Variants in SLC25A26 observed in about 807,000 individuals in gnomAD.
SLC25A26 encodes the protein mitochondrial S-adenosylmethionine carrier protein.
A neutral mutation model predicts 37.8 loss-of-function variants in SLC25A26; 36 were observed. The observed-to-expected ratio is 0.95, with a 90% CI of 0.73 to 1.26. The LOEUF (loss-of-function observed/expected upper bound fraction) is 1.26, where lower values mean the gene tolerates loss of function less well. Among genes scored for constraint, SLC25A26 ranks in the 50% most tolerant of loss-of-function variants. The pLI is 0.00. For missense variants in SLC25A26, 390 were observed against 331.1 expected (o/e 1.18, Z -1.38); for synonymous variants, 129 against 122.5 (o/e 1.05, Z -0.35).
intron 1 of SLC25A26, among the ~76,000 whole-genome samples, chr3:66,165,747 G>T (rs1368654158): frequency 1.3e-5 from 2 of 152,262 alleles, no homozygotes; most frequent in Non-Finnish European, 2.9e-5. Context: ...GTTCTCTGAA[G>T]TAGTATATAA....
At chr3:66,250,127 G>C (rs2073023697) in intron 3 of SLC25A26, among the ~76,000 whole-genome samples, 1 of 152,168 alleles carries the variant, frequency 6.6e-6, no homozygotes, top group Non-Finnish European at 1.5e-5. Context: ...AAAGCAGTTT[G>C]TTTTCCAGAC....
At chr3:66,321,084 A>G (rs1396181048) in intron 5 of SLC25A26, among the ~76,000 whole-genome samples, 4 of 152,068 alleles carry the variant, frequency 2.6e-5, no homozygotes, top group Non-Finnish European at 5.9e-5. Context: ...CTGAGAGAGA[A>G]AGAGAGCACA....
intron 1 of SLC25A26, among the ~76,000 whole-genome samples, chr3:66,179,140 C>T (rs145028513): frequency 4.2e-4 from 64 of 152,264 alleles, no homozygotes; most frequent in African/African-American, 1.3e-3. Context: ...TTCTCTCTTA[C>T]GCGTTTTAAA....
chr3:66,190,818 C>T (rs1445000416), intron 1 of SLC25A26, among the ~76,000 whole-genome samples: 3 of 152,182 alleles, frequency 2.0e-5, no homozygotes, highest in African/African-American at 7.2e-5. Context: ...TGCTTTAACT[C>T]GCAAGAAATT....
intron 6 of SLC25A26, among the ~76,000 whole-genome samples, chr3:66,348,517 C>T (rs560803502): frequency 6.6e-6 from 1 of 151,850 alleles, no homozygotes; most frequent in Non-Finnish European, 1.5e-5. Flanking sequence ...TTAGCTAATA[C>T]AAAAATAAAG....
At chr3:66,143,712 C>T (rs575841563) in intron 1 of SLC25A26, among the ~76,000 whole-genome samples, 8 of 152,212 alleles carry the variant, frequency 5.3e-5, no homozygotes, top group Admixed American at 2.0e-4. Flanking sequence ...AGCAAAACTT[C>T]ATGTCTACAA....
At position 66,247,055 on chromosome 3, in the gene SLC25A26, G is replaced by A. The variant is rs1406884404; in HGVS notation, c.300+3743G>A. On this transcript the variant is annotated intron_variant, in intron 3 of 9. Coordinates refer to ENST00000354883, the MANE Select transcript of SLC25A26 (RefSeq NM_001379210.1). Reference sequence around the variant, plus strand: ...TTTTTTTTGTATTTTTAGTAGAGACGGGGTTTCACCATGTTAGCCAGGATG... The same window carrying A: ...TTTTTTTTGTATTTTTAGTAGAGACAGGGTTTCACCATGTTAGCCAGGATG... Among the ~76,000 whole-genome samples the A allele has an allele frequency of 7.3e-5, 11 of 151,616 alleles. No individual in the cohort carries two copies. The East Asian group carries it at 9.7e-4, about 13-fold the overall frequency.
At chr3:66,274,094 C>T (rs1230105981) in intron 5 of SLC25A26, among the ~76,000 whole-genome samples, 12 of 151,824 alleles carry the variant, frequency 7.9e-5, no homozygotes, top group East Asian at 1.9e-4. Flanking sequence ...GAAATAAGGC[C>T]GCATATCTAC....
At chr3:66,254,561 C>T (rs933652852) in intron 3 of SLC25A26, among the ~76,000 whole-genome samples, 1 of 152,186 alleles carries the variant, frequency 6.6e-6, no homozygotes, top group African/African-American at 2.4e-5. Flanking sequence ...ATAGAGTTGC[C>T]TGTTGAAACA....
At chr3:66,223,423 G>A (rs1553659401) in intron 1 of SLC25A26, among the ~76,000 whole-genome samples, 2 of 152,170 alleles carry the variant, frequency 1.3e-5, no homozygotes, top group African/African-American at 4.8e-5. Flanking sequence ...GGCTTTATGG[G>A]CTAGGGAAAA....
chr3:66,256,688 G>C (rs2073316084), intron 3 of SLC25A26, among the ~76,000 whole-genome samples: 1 of 152,140 alleles, frequency 6.6e-6, no homozygotes, highest in Admixed American at 6.5e-5. Context: ...TTGAGGCCAG[G>C]AGTTTGGGAC....
chr3:66,250,181 C>G (rs938882650), intron 3 of SLC25A26, among the ~76,000 whole-genome samples: 1 of 152,148 alleles, frequency 6.6e-6, no homozygotes, highest in African/African-American at 2.4e-5. Flanking sequence ...ATCTTTGATT[C>G]TTTTTTGTAA....
At chr3:66,270,679 A>G (rs1015685068) in intron 5 of SLC25A26, among the ~76,000 whole-genome samples, 1 of 152,232 alleles carries the variant, frequency 6.6e-6, no homozygotes, top group Non-Finnish European at 1.5e-5. Flanking sequence ...TGAAGAATGA[A>G]TGCTGGTTCA....
chr3:66,188,269 C>G (rs1576625729), intron 1 of SLC25A26, among the ~76,000 whole-genome samples: 1 of 152,154 alleles, frequency 6.6e-6, no homozygotes, highest in African/African-American at 2.4e-5. Flanking sequence ...GACCCAGACC[C>G]TTATATTTAT....
intron 1 of SLC25A26, among the ~76,000 whole-genome samples, chr3:66,154,527 GTTTTCTTT>G (rs1434488385): frequency 7.0e-6 from 1 of 142,520 alleles, no homozygotes; most frequent in East Asian, 2.1e-4. Context: ...GTCCAACCTC[GTTTTCTTT>G]TTTTCTTTTT....
chr3:66,255,875 C>G (rs1204798833), intron 3 of SLC25A26, among the ~76,000 whole-genome samples: 1 of 152,134 alleles, frequency 6.6e-6, no homozygotes, highest in African/African-American at 2.4e-5. Flanking sequence ...TGTCACCCAG[C>G]AGAAGTCAGG....
chr3:66,188,631 C>T (rs2070875717), intron 1 of SLC25A26, among the ~76,000 whole-genome samples: 1 of 152,084 alleles, frequency 6.6e-6, no homozygotes, highest in Non-Finnish European at 1.5e-5. Context: ...GATGCTAGTG[C>T]CATGTTTTTT....
intron 6 of SLC25A26, among the ~76,000 whole-genome samples, chr3:66,348,035 T>C (rs707012): frequency 0.12 from 17,991 of 152,096 alleles, 1,985 homozygotes; most frequent in African/African-American, 0.3. Context: ...GGCTTAATAC[T>C]TAGCTGATGG....
chr3:66,238,908 T>A (rs1307713399), intron 2 of SLC25A26, among the ~76,000 whole-genome samples: 1 of 152,146 alleles, frequency 6.6e-6, no homozygotes, highest in Non-Finnish European at 1.5e-5. Flanking sequence ...AGTGTAACTT[T>A]ATGGAAATTT....
Sources: allele counts gnomAD v4.1 joint callset (sites outside exome capture counted in the v4.1 genomes callset), GRCh38; gene constraint gnomAD v4.1.1; transcripts MANE v1.5; gene names NCBI Gene and HGNC (gene_info 2026-07-23, HGNC 2026-07-21).